The following BTBD3 variants were observed in gnomAD, a reference collection of about 807,000 sequenced individuals.
BTBD3 encodes the protein BTB/POZ domain-containing protein 3.
Under a neutral mutation model 41.6 loss-of-function variants are expected in BTBD3, and 14 were observed. That is an observed-to-expected ratio of 0.34 (90% CI 0.22 to 0.53). The LOEUF (loss-of-function observed/expected upper bound fraction) is 0.53. BTBD3 is among the 20% of genes least tolerant of loss of function. The pLI is 0.95. For missense variants in BTBD3, 426 were observed against 654.7 expected, an observed-to-expected ratio of 0.65 and a Z score of 3.81; for synonymous variants, 249 against 233.7, an observed-to-expected ratio of 1.07 and a Z score of -0.60.
At chr20:11,920,862 A>G (rs968559038) in intron 3 of BTBD3, among the ~76,000 whole-genome samples, 5 of 152,218 alleles carry the variant, frequency 3.3e-5, no homozygotes, top group African/African-American at 1.2e-4. Context: ...CTTCTGAAAA[A>G]TAAGTACTGT....
Position 11,925,474 on chromosome 20 carries a change from T to C in BTBD3, c.*1808T>C, listed in dbSNP as rs1366321329. On this transcript the variant is annotated 3_prime_UTR_variant, in exon 4 of 4. Coordinates refer to ENST00000378226, the MANE Select transcript of BTBD3 (RefSeq NM_014962.4). ...CACTCTTGCCATTACCTACATCTAT[T>C]AGCATAGATGATGAAAAGCTGTTAC... The C allele has an allele frequency of 6.6e-6, 1 of 152,658 alleles. No homozygotes were observed. Among genetic ancestry groups the C allele is most frequent in the Non-Finnish European group, 1.5e-5 (1 of 68,040 alleles). The allele number at this position is 152,658 out of a possible 1,614,324, so 9.5% of individuals were successfully genotyped here.
At chr20:11,892,109 C>T (rs1325978857) in intron 1 of BTBD3, among the ~76,000 whole-genome samples, 7 of 152,150 alleles carry the variant, frequency 4.6e-5, no homozygotes, top group African/African-American at 1.7e-4. Flanking sequence ...ATTCATTTTC[C>T]TAGACAGGAA....
At chr20:11,919,610 G>T in intron 2 of BTBD3, 108 bp from the exon 3 acceptor site, 1 of 1,256,160 alleles carries the variant, frequency 8.0e-7, no homozygotes, top group East Asian at 2.3e-5. Flanking sequence ...GTAGATTTTA[G>T]GTACGCTATG....
rs2056998964 is a variant in BTBD3, at chr20:11,924,258, A to G, written c.*592A>G. 6.6e-6 allele frequency: 1 copy of G among 152,236 alleles called. No homozygotes were observed. The highest frequency in any genetic ancestry group is 2.4e-5 in the African/African-American group (1 of 41,454). The allele number at this position is 152,236 out of a possible 1,614,324, so 9.4% of individuals were successfully genotyped here. On this transcript the variant is annotated 3_prime_UTR_variant, in exon 4 of 4. Coordinates refer to ENST00000378226, the MANE Select transcript of BTBD3 (RefSeq NM_014962.4). ...ATAGTTAGGTATTAAACACTTCAGAATATCAATGTAAAATTGGAAAATAAG... is the reference window on the plus strand; with the variant it reads ...ATAGTTAGGTATTAAACACTTCAGAGTATCAATGTAAAATTGGAAAATAAG...
intron 3 of BTBD3, among the ~76,000 whole-genome samples, chr20:11,920,375 G>A (rs1330837293): frequency 6.6e-6 from 1 of 152,098 alleles, no homozygotes; most frequent in Non-Finnish European, 1.5e-5. Context: ...ACTCTCAAGG[G>A]TAAAAAGTAC....
At chr20:11,917,017 G>A (rs1203037002), upstream of BTBD3, among the ~76,000 whole-genome samples, 1 of 152,070 alleles carries the variant, frequency 6.6e-6, no homozygotes. Context: ...TAACTAGGTG[G>A]AATCCGAACA....
Position 11,922,622 on chromosome 20 carries a change from T to C in BTBD3, c.537-12T>C. On this transcript the variant is annotated splice_polypyrimidine_tract_variant and intron_variant, in intron 3 of 3. Coordinates refer to ENST00000378226, the MANE Select transcript of BTBD3 (RefSeq NM_014962.4). ...GTGAAAATTCCACTTACATGTTATG[T>C]GCTTTTTACAGATATATCTATTGTG... 1 of 1,591,030 alleles carries C rather than the reference T, an allele frequency of 6.3e-7. No homozygotes were observed. Among genetic ancestry groups the C allele is most frequent in the Non-Finnish European group, 8.6e-7 (1 of 1,166,494 alleles).
upstream of BTBD3, among the ~76,000 whole-genome samples, chr20:11,914,507 C>T (rs954631032): frequency 5.3e-5 from 8 of 151,960 alleles, no homozygotes; most frequent in African/African-American, 1.9e-4. Flanking sequence ...CATGAACTTG[C>T]CATCATCTGG....
chr20:11,924,376 T>C lies in BTBD3; in HGVS notation c.*710T>C, dbSNP rs1170661694. On this transcript the variant is annotated 3_prime_UTR_variant, in exon 4 of 4. Transcript: ENST00000378226. ...AAAAAATTTCAATACAGATACTTCT[T>C]TTAGAAGTAAATTTTTAGATTTTAT... 1 of 152,186 alleles carries C rather than the reference T, an allele frequency of 6.6e-6. No homozygotes were observed. Among genetic ancestry groups the C allele is most frequent in the Non-Finnish European group, 1.5e-5 (1 of 68,034 alleles). 9.4% of individuals were successfully genotyped at this position (152,186 alleles called of 1,614,324 possible).
chr20:11,921,273 T>C (rs2056967933), intron 3 of BTBD3, among the ~76,000 whole-genome samples: 1 of 152,226 alleles, frequency 6.6e-6, no homozygotes, highest in African/African-American at 2.4e-5. Context: ...ATTTGATGAA[T>C]CATTTGACAA....
At chr20:11,900,706 C>CTT (rs33976204) in intron 1 of BTBD3, among the ~76,000 whole-genome samples, 2 of 111,508 alleles carry the variant, frequency 1.8e-5, no homozygotes, top group East Asian at 2.3e-4. Context: ...AGTCCACCTA[C>CTT]TTTTTTTTTT....
chr20:11,911,129 T>G (rs755513588), intron 1 of BTBD3, among the ~76,000 whole-genome samples: 1 of 123,154 alleles, frequency 8.1e-6, no homozygotes, highest in African/African-American at 3.0e-5. Flanking sequence ...CATTACTTTA[T>G]GTACTGCTAA....
upstream of BTBD3, among the ~76,000 whole-genome samples, chr20:11,914,941 A>G (rs1485983451): frequency 2.0e-5 from 3 of 152,180 alleles, no homozygotes; most frequent in East Asian, 5.8e-4. Context: ...AAAAACATTC[A>G]TTCTGGGTGA....
intron 3 of BTBD3, 48 bp from the exon 4 acceptor site, chr20:11,922,586 G>A (rs750640654): frequency 9.2e-6 from 14 of 1,519,284 alleles, no homozygotes; most frequent in South Asian, 8.8e-5. Context: ...CTTGCTGGAT[G>A]TACTCATTTT....
At chr20:11,914,244 C>G (rs1434891197), upstream of BTBD3, among the ~76,000 whole-genome samples, 1 of 152,044 alleles carries the variant, frequency 6.6e-6, no homozygotes, top group Non-Finnish European at 1.5e-5. Context: ...GGAGTTTTAA[C>G]TATTTATGTT....
chr20:11,894,531 T>G (rs1280806631), intron 1 of BTBD3, among the ~76,000 whole-genome samples: 1 of 152,070 alleles, frequency 6.6e-6, no homozygotes, highest in African/African-American at 2.4e-5. Context: ...TTGTTTTCCT[T>G]TTTGGGAGCT....
In BTBD3 at chr20:11,901,878, A is replaced by G. The variant is rs967453196; in HGVS notation, c.-126+10924A>G. 3.9e-5 allele frequency among the ~76,000 whole-genome samples: 6 copies of G among 152,324 alleles called. No individual in the cohort carries two copies. The South Asian group carries it at 6.2e-4, about 16-fold the overall frequency. On this transcript the variant is annotated intron_variant, in intron 1 of 4. Coordinates refer to the BTBD3 transcript ENST00000254977. ...TTACAGTGTTTCTATAGTATTATAT[A>G]GTTACTGAGTGTGAAGTAGTTGTGA...
intron 3 of BTBD3, among the ~76,000 whole-genome samples, 154 bp from the exon 4 acceptor site, chr20:11,922,480 A>G (rs2056978624): frequency 6.6e-6 from 1 of 152,222 alleles, no homozygotes; most frequent in Admixed American, 6.5e-5. Flanking sequence ...ATTTATTAAT[A>G]TGTTTCGAAT....
rs140649579 is a variant in BTBD3, at chr20:11,903,930, G to T, written c.-126+12976G>T. On this transcript the variant is annotated intron_variant, in intron 1 of 4. Transcript: ENST00000254977. Reference sequence around the variant, plus strand: ...ATTTTTGTGGCAGAGATTGTCTCTTGTATCCTTCATTCTGTCTACAATGTG... The same window carrying T: ...ATTTTTGTGGCAGAGATTGTCTCTTTTATCCTTCATTCTGTCTACAATGTG... 2.6e-5 allele frequency among the ~76,000 whole-genome samples: 4 copies of T among 152,242 alleles called. No homozygotes were observed. The East Asian group carries it at 5.8e-4, about 22-fold the overall frequency.
Sources: allele counts gnomAD v4.1 joint callset (sites outside exome capture counted in the v4.1 genomes callset), GRCh38; gene constraint gnomAD v4.1.1; transcripts MANE v1.5; gene names NCBI Gene and HGNC (gene_info 2026-07-23, HGNC 2026-07-21).